ARHGAP24: variants seen among roughly 807,000 people sequenced by gnomAD.
ARHGAP24 encodes the protein rho GTPase-activating protein 24.
In ARHGAP24, 50 loss-of-function variants were observed where a neutral mutation model predicts 76.4. The ratio of observed to expected loss-of-function variants is 0.65; its 90% confidence interval spans 0.52 to 0.83. The LOEUF is 0.83. Among genes scored for constraint, ARHGAP24 ranks in the 40% least tolerant of loss-of-function variants. ARHGAP24 has a pLI of 0.00. For missense variants in ARHGAP24, 930 were observed against 914.2 expected, an observed-to-expected ratio of 1.02 and a Z score of -0.22; for synonymous variants, 345 against 323.3, an observed-to-expected ratio of 1.07 and a Z score of -0.72.
chr4:85,621,718 T>C (rs984569760), intron 2 of ARHGAP24, among the ~76,000 whole-genome samples: 1 of 152,328 alleles, frequency 6.6e-6, no homozygotes, highest in East Asian at 1.9e-4. Context: ...GTAGGTTATC[T>C]TTCTACTCTG....
At chr4:85,622,792 A>T (rs1276007214) in intron 2 of ARHGAP24, among the ~76,000 whole-genome samples, 1 of 152,152 alleles carries the variant, frequency 6.6e-6, no homozygotes, top group Admixed American at 6.6e-5. Context: ...CGCCATTCTA[A>T]CTGGTGTGAG....
chr4:85,494,912 C>T (rs970550379), intron 1 of ARHGAP24, among the ~76,000 whole-genome samples: 1 of 151,594 alleles, frequency 6.6e-6, no homozygotes, highest in East Asian at 2.0e-4. Flanking sequence ...GTCTGGCCAA[C>T]ATAGTGAAAC....
At chr4:85,612,929 G>T (rs1222447980) in intron 2 of ARHGAP24, among the ~76,000 whole-genome samples, 2 of 150,472 alleles carry the variant, frequency 1.3e-5, no homozygotes, top group African/African-American at 2.4e-5. Flanking sequence ...CTTCTGAGTA[G>T]CTGCGACCAC....
intron 3 of ARHGAP24, among the ~76,000 whole-genome samples, chr4:85,728,848 T>C (rs1486194723): frequency 6.6e-6 from 1 of 152,208 alleles, no homozygotes; most frequent in Non-Finnish European, 1.5e-5. Context: ...TGTGACTCCT[T>C]CTGGGTTGAA....
At chr4:85,661,863 C>T (rs1722400503) in intron 2 of ARHGAP24, among the ~76,000 whole-genome samples, 2 of 152,106 alleles carry the variant, frequency 1.3e-5, no homozygotes, top group South Asian at 4.1e-4. Context: ...TTTTTTATGG[C>T]TGCATAGAAT....
chr4:85,620,452 G>A (rs1328672482), intron 2 of ARHGAP24, among the ~76,000 whole-genome samples: 1 of 151,740 alleles, frequency 6.6e-6, no homozygotes, highest in Non-Finnish European at 1.5e-5. Flanking sequence ...ATTGTTCATA[G>A]TTGTCTTTTA....
chr4:85,667,726 G>C (rs1016661895), intron 2 of ARHGAP24, among the ~76,000 whole-genome samples: 1 of 152,110 alleles, frequency 6.6e-6, no homozygotes, highest in African/African-American at 2.4e-5. Context: ...ATGAATATTT[G>C]TGTTTTTCTG....
intron 1 of ARHGAP24, among the ~76,000 whole-genome samples, chr4:85,489,295 A>G (rs1170008467): frequency 6.6e-6 from 1 of 152,222 alleles, no homozygotes; most frequent in Non-Finnish European, 1.5e-5. Flanking sequence ...GAGGAGAGAA[A>G]AAGAGGATTC....
chr4:85,679,058 C>T (rs1003150264), intron 2 of ARHGAP24, among the ~76,000 whole-genome samples: 33 of 152,146 alleles, frequency 2.2e-4, no homozygotes, highest in Non-Finnish European at 4.4e-4. Flanking sequence ...ATGGTTGACA[C>T]TTTTATACCA....
At chr4:85,774,694 G>C (rs1727246694) in intron 3 of ARHGAP24, among the ~76,000 whole-genome samples, 1 of 152,118 alleles carries the variant, frequency 6.6e-6, no homozygotes, top group Non-Finnish European at 1.5e-5. Context: ...ATCTTATGTA[G>C]ATACAACTAC....
intron 3 of ARHGAP24, among the ~76,000 whole-genome samples, chr4:85,808,421 T>C (rs1022561613): frequency 3.9e-5 from 6 of 152,240 alleles, no homozygotes; most frequent in African/African-American, 1.2e-4. Context: ...TTTATTTACA[T>C]CTTATTCTTT....
At chr4:85,482,239 A>T (rs1259753966) in intron 1 of ARHGAP24, among the ~76,000 whole-genome samples, 1 of 152,222 alleles carries the variant, frequency 6.6e-6, no homozygotes, top group Non-Finnish European at 1.5e-5. Flanking sequence ...TGTCATTGTG[A>T]AATCGTCAAG....
intron 8 of ARHGAP24, 76 bp from the exon 9 acceptor site, chr4:85,994,507 C>CT (rs1740525401): frequency 7.2e-7 from 1 of 1,379,974 alleles, no homozygotes; most frequent in African/African-American, 1.4e-5. Flanking sequence ...GAATGTGTTT[C>CT]TTTAAGAGTC....
At chr4:85,780,532 A>G (rs1457095901) in intron 3 of ARHGAP24, among the ~76,000 whole-genome samples, 3 of 151,852 alleles carry the variant, frequency 2.0e-5, no homozygotes, top group Admixed American at 1.3e-4. Flanking sequence ...TCCACCTTCC[A>G]TATTGAAGAG....
chr4:85,494,555 C>A (rs925795995), intron 1 of ARHGAP24, among the ~76,000 whole-genome samples: 4 of 151,500 alleles, frequency 2.6e-5, no homozygotes, highest in African/African-American at 9.7e-5. Flanking sequence ...CGTGGTGGAG[C>A]CTGTAGTCTC....
intron 4 of ARHGAP24, among the ~76,000 whole-genome samples, chr4:85,935,778 A>G (rs1736596658): frequency 1.3e-5 from 2 of 152,184 alleles, no homozygotes; most frequent in Non-Finnish European, 2.9e-5. Context: ...TAATTGCTCC[A>G]ATGGTCAAAG....
intron 5 of ARHGAP24, among the ~76,000 whole-genome samples, chr4:85,946,550 T>C (rs1339724087): frequency 1.3e-5 from 2 of 152,200 alleles, no homozygotes; most frequent in Non-Finnish European, 2.9e-5. Context: ...ACCCAATGTT[T>C]AGTTCCCACT....
chr4:85,696,435 C>T (rs192112310), intron 2 of ARHGAP24, among the ~76,000 whole-genome samples: 12 of 152,212 alleles, frequency 7.9e-5, no homozygotes, highest in Admixed American at 5.2e-4. Flanking sequence ...TTTTTACCAT[C>T]AGAATAAGGA....
At chr4:85,622,824 G>C (rs1264115591) in intron 2 of ARHGAP24, among the ~76,000 whole-genome samples, 1 of 152,160 alleles carries the variant, frequency 6.6e-6, no homozygotes, top group East Asian at 1.9e-4. Context: ...TTGTGGTTTT[G>C]ATTTGCATTT....
Sources: allele counts gnomAD v4.1 joint callset (sites outside exome capture counted in the v4.1 genomes callset), GRCh38; gene constraint gnomAD v4.1.1; transcripts MANE v1.5; gene names NCBI Gene and HGNC (gene_info 2026-07-23, HGNC 2026-07-21).